The following VCL variants were observed in gnomAD, a reference collection of about 807,000 sequenced individuals.
The protein encoded by VCL is vinculin.
Under a neutral mutation model 125.7 loss-of-function variants are expected in VCL, and 47 were observed. The observed-to-expected ratio is 0.37, with a 90% CI of 0.30 to 0.48. VCL has a LOEUF of 0.48. Ranked by LOEUF, VCL falls within the 20% of genes least tolerant of loss-of-function variation. The probability of loss-of-function intolerance (pLI) is 0.99; values close to 1 mark genes in which losing one functional copy is unlikely to be tolerated. For synonymous variants in VCL, 458 were observed against 514.6 expected (o/e 0.89, Z 1.49); for missense variants, 1,069 against 1,455.5 (o/e 0.73, Z 4.32).
chr10:74,095,732 T>G lies in VCL; in HGVS notation c.1620T>G (p.Asp540Glu), dbSNP rs533622785. 6.2e-7 allele frequency: 1 copy of G among 1,614,144 alleles called. No homozygotes were observed. The highest frequency in any genetic ancestry group is 8.5e-7 in the Non-Finnish European group (1 of 1,180,024). Residue 540 changes from aspartate (D) to glutamate (E), a missense_variant, in exon 12 of 22, where the codon GAT (aspartate) becomes GAG (glutamate). Physicochemically the swap from Asp to Glu is conservative, Grantham distance 45. This residue lies in a region of VCL where 760 missense variants were observed against 928.9 expected (regional missense o/e 0.82). Coordinates refer to ENST00000211998, the MANE Select transcript of VCL (RefSeq NM_014000.3). ...ANVMMGPYRQ[D>E]LLAKCDRVDQ... ...TTATGATGGGGCCTTATCGGCAAGA[T>G]CTTCTCGCCAAGTGTGACCGAGTGG... is the stretch of plus-strand genomic sequence containing the variant.
intron 2 of VCL, among the ~76,000 whole-genome samples, chr10:74,054,227 T>C (rs1213074405): frequency 6.6e-6 from 1 of 152,232 alleles, no homozygotes; most frequent in African/African-American, 2.4e-5. Flanking sequence ...GATTGATATA[T>C]GTTAAAAATC....
At chr10:74,047,151 G>A (rs981824958) in intron 2 of VCL, among the ~76,000 whole-genome samples, 3 of 152,250 alleles carry the variant, frequency 2.0e-5, no homozygotes, top group Admixed American at 6.5e-5. Flanking sequence ...ATCATTGATC[G>A]CTGGGCATGG....
At chr10:74,113,862 G>C (rs1238199627) in intron 19 of VCL, among the ~76,000 whole-genome samples, 1 of 152,030 alleles carries the variant, frequency 6.6e-6, no homozygotes, top group Non-Finnish European at 1.5e-5. Context: ...CTGTGCCTGG[G>C]GTGCACATCT....
At chr10:73,998,447 G>GC in intron 1 of VCL, 72 bp downstream of exon 1, 6 of 1,286,632 alleles carry the variant, frequency 4.7e-6, no homozygotes, top group Non-Finnish European at 5.9e-6. Flanking sequence ...CGTCGCGGCT[G>GC]CCTGTGGCCG....
chr10:74,096,386 C>A (rs1839970058), intron 12 of VCL, among the ~76,000 whole-genome samples: 1 of 152,006 alleles, frequency 6.6e-6, no homozygotes. Flanking sequence ...TGAAAGAAAA[C>A]TTTGTAATCC....
At chr10:74,064,414 T>G (rs1409417857) in intron 2 of VCL, among the ~76,000 whole-genome samples, 1 of 151,940 alleles carries the variant, frequency 6.6e-6, no homozygotes, top group Non-Finnish European at 1.5e-5. Flanking sequence ...AAAGACACTT[T>G]TTTTTTTTTG....
intron 18 of VCL, among the ~76,000 whole-genome samples, chr10:74,110,180 A>G (rs12415418): frequency 0.54 from 81,424 of 152,012 alleles, 22,732 homozygotes; most frequent in Middle Eastern, 0.62. Flanking sequence ...TATCTCTCCA[A>G]CTGCATGTGG....
Position 74,111,949 on chromosome 10 carries a change from C to T in VCL, c.2786C>T (p.Ala929Val), listed in dbSNP as rs368113653. 3 of 1,614,134 alleles carry T rather than the reference C, an allele frequency of 1.9e-6. No homozygotes were observed. The highest frequency in any genetic ancestry group is 2.5e-6 in the Non-Finnish European group (3 of 1,180,046). Reference protein sequence around the residue: ...PAAEVGIGVVAEADAADAAGF... With the variant: ...PAAEVGIGVVVEADAADAAGF... ...GCTGAGGTGGGTATAGGTGTTGTAG[C>T]TGAGGCAGATGCGGCCGATGCTGCT... The change falls in exon 19 of 22, where the codon GCT (alanine) becomes GTT (valine). Residue 929 changes from alanine to valine, a missense_variant. This residue lies in a region of VCL where 86 missense variants were observed against 91.0 expected (regional missense o/e 0.95). Transcript: ENST00000211998.
intron 14 of VCL, among the ~76,000 whole-genome samples, chr10:74,101,767 C>T (rs1328405509): frequency 6.6e-6 from 1 of 150,910 alleles, no homozygotes; most frequent in Non-Finnish European, 1.5e-5. Flanking sequence ...CCTTGTTAGC[C>T]AGGATGGTCT....
intron 8 of VCL, among the ~76,000 whole-genome samples, chr10:74,085,812 A>G (rs1052236579): frequency 1.4e-4 from 22 of 152,170 alleles, no homozygotes; most frequent in Admixed American, 3.9e-4. Context: ...CCTGGTCTCC[A>G]ATATTAGTGC....
intron 20 of VCL, 24 bp from the exon 21 acceptor site, chr10:74,114,771 T>C (rs1322923534): frequency 3.8e-6 from 6 of 1,581,600 alleles, no homozygotes; most frequent in Middle Eastern, 3.3e-4. Flanking sequence ...CAGAGAAACA[T>C]ACCAAATTAA....
intron 1 of VCL, among the ~76,000 whole-genome samples, chr10:74,014,700 C>T (rs147670026): frequency 6.6e-6 from 1 of 151,512 alleles, no homozygotes; most frequent in East Asian, 2.0e-4. Flanking sequence ...TCTGGAACAG[C>T]CAATTTAGTT....
At chr10:74,021,781 C>G (rs1026511762) in intron 1 of VCL, among the ~76,000 whole-genome samples, 4 of 152,208 alleles carry the variant, frequency 2.6e-5, no homozygotes, top group African/African-American at 7.2e-5. Flanking sequence ...TCCTTCTTGT[C>G]TAGAGATTGA....
Position 74,105,244 on chromosome 10 carries a change from G to A in VCL, c.2325G>A (p.Glu775=), listed in dbSNP as rs763751776. ...LVAKREVENS[E]DPKFREAVKA... Reference sequence around the variant, plus strand: ...CTAAGAGGGAGGTGGAGAATTCCGAGGATCCCAAGTTCCGTGAGGCTGTGA... The same window carrying A: ...CTAAGAGGGAGGTGGAGAATTCCGAAGATCCCAAGTTCCGTGAGGCTGTGA... Residue 775 remains glutamate, a synonymous_variant, in exon 16 of 22, where the codon GAG becomes GAA. Coordinates refer to ENST00000211998, the MANE Select transcript of VCL (RefSeq NM_014000.3). 3 of 1,614,126 alleles carry A rather than the reference G, an allele frequency of 1.9e-6. No individual in the cohort carries two copies. In the South Asian group the frequency reaches 3.3e-5, roughly 18 times the overall value.
At chr10:74,054,397 G>A (rs1841359207) in intron 2 of VCL, among the ~76,000 whole-genome samples, 1 of 152,174 alleles carries the variant, frequency 6.6e-6, no homozygotes. Flanking sequence ...TAGAATGACT[G>A]TTGATAGACG....
intron 2 of VCL, among the ~76,000 whole-genome samples, chr10:74,066,406 GT>G (rs1231655010): frequency 4.6e-5 from 7 of 152,088 alleles, no homozygotes; most frequent in Non-Finnish European, 8.8e-5. Context: ...AGCTACAGTT[GT>G]TAACATGATG....
In VCL at chr10:74,051,817, G is replaced by T. The variant is rs1183265827; in HGVS notation, c.239+8664G>T. On this transcript the variant is annotated intron_variant, in intron 2 of 21. Transcript: ENST00000211998. ...CCAAAACTGAGGTTTATCCCAAGAG[G>T]GTTCTTGGCTTTTCCTAGGAAAGAA... Among the ~76,000 whole-genome samples the T allele has an allele frequency of 2.0e-5, 3 of 152,140 alleles. No homozygotes were observed. In the East Asian group the frequency reaches 5.8e-4, roughly 29 times the overall value.
At chr10:74,057,135 G>C (rs1345863634) in intron 2 of VCL, among the ~76,000 whole-genome samples, 2 of 152,050 alleles carry the variant, frequency 1.3e-5, no homozygotes, top group Non-Finnish European at 2.9e-5. Flanking sequence ...CGTAGAGATA[G>C]GGTCTCGCTA....
At position 74,003,363 on chromosome 10, in the gene VCL, G is replaced by C. The variant is rs75685358; in HGVS notation, c.168+4988G>C. Among the ~76,000 whole-genome samples, 481 of 152,270 alleles carry C rather than the reference G, an allele frequency of 3.2e-3. 2 individuals are homozygous for C. Among genetic ancestry groups the C allele is most frequent in the African/African-American group, 0.011 (464 of 41,548 alleles). ...GGCACAAGAAATTCTAAGAAGGCTT[G>C]GATTCAGCAGGCAGTGTGAAAAAGT... On this transcript the variant is annotated intron_variant, in intron 1 of 21. Transcript: ENST00000211998.
Sources: gnomAD v4.1 joint callset for allele counts (sites outside exome capture counted in the v4.1 genomes callset) on GRCh38, gnomAD v4.1.1 for gene constraint, gnomAD v4.1.1 regional missense constraint, MANE v1.5 for transcripts, NCBI Gene and HGNC (gene_info 2026-07-23, HGNC 2026-07-21) for gene names.